The following MAP3K3 variants were observed in gnomAD, a reference collection of about 807,000 sequenced individuals.
MAP3K3 encodes mitogen-activated protein kinase kinase kinase 3, also known as MAP/ERK kinase kinase 3.
Under a neutral mutation model 80.9 loss-of-function variants are expected in MAP3K3, and 12 were observed. The observed-to-expected ratio is 0.15, with a 90% CI of 0.10 to 0.24. The LOEUF (loss-of-function observed/expected upper bound fraction) is 0.24. MAP3K3 is among the 10% of genes least tolerant of loss of function. The pLI is 1.00. For synonymous variants in MAP3K3, 272 were observed against 307.1 expected, an observed-to-expected ratio of 0.89 and a Z score of 1.19; for missense variants, 596 against 834.7, an observed-to-expected ratio of 0.71 and a Z score of 3.52.
chr17:63,681,712 C>G lies in MAP3K3; in HGVS notation c.503-54C>G, dbSNP rs980391629. 16 of 1,357,408 alleles carry G rather than the reference C, an allele frequency of 1.2e-5. No individual in the cohort carries two copies. The African/African-American group carries it at 2.2e-4, about 19-fold the overall frequency. 84.1% of individuals were successfully genotyped at this position (1,357,408 alleles called of 1,614,324 possible). ...AATAGTTGGCCCCATGCCTGCTCCT[C>G]TTGGGCCACACACCCTGGGCTCTGT... On this transcript the variant is annotated intron_variant, in intron 6 of 15. Coordinates refer to ENST00000361733, the MANE Select transcript of MAP3K3 (RefSeq NM_002401.5).
rs371824483 is a variant in MAP3K3, at chr17:63,689,506, G to T, written c.872-38G>T. 1.6e-5 allele frequency: 26 copies of T among 1,577,774 alleles called. No individual in the cohort carries two copies. The African/African-American group carries it at 3.4e-4, about 20-fold the overall frequency. ...TGTACGTTCCGCCTCGTAGCCTGGG[G>T]TGTGACTTGCTCTCCTCTGGCCCTT... is the stretch of plus-strand genomic sequence containing the variant. On this transcript the variant is annotated intron_variant, in intron 10 of 15. Coordinates refer to ENST00000361733, the MANE Select transcript of MAP3K3 (RefSeq NM_002401.5). The surrounding 1 kb of genome is among the most constrained non-coding windows in gnomAD (Gnocchi z 4.3).
chr17:63,673,386 G>C (rs2035149321), intron 6 of MAP3K3, among the ~76,000 whole-genome samples: 1 of 148,728 alleles, frequency 6.7e-6, no homozygotes, highest in Admixed American at 6.7e-5. Flanking sequence ...ACTAGTTCAT[G>C]CTAAACAAAA....
At chr17:63,658,783 G>T (rs2034824929) in intron 5 of MAP3K3, among the ~76,000 whole-genome samples, 1 of 149,542 alleles carries the variant, frequency 6.7e-6, no homozygotes, top group Non-Finnish European at 1.5e-5. Context: ...TGCCCAGGCT[G>T]GAATGCAATG....
At chr17:63,626,931 T>C (rs1239589088) in intron 1 of MAP3K3, among the ~76,000 whole-genome samples, 1 of 152,184 alleles carries the variant, frequency 6.6e-6, no homozygotes, top group African/African-American at 2.4e-5. Flanking sequence ...GTGTGTGGCA[T>C]AGTAAACAGA....
chr17:63,629,991 G>C (rs987274628), intron 1 of MAP3K3, among the ~76,000 whole-genome samples: 3 of 152,192 alleles, frequency 2.0e-5, no homozygotes, highest in African/African-American at 7.2e-5. Flanking sequence ...GTGCCTGTAT[G>C]TGTATTCACA....
At chr17:63,632,573 G>A in intron 1 of MAP3K3, 108 bp from the exon 2 acceptor site, 1 of 1,296,236 alleles carries the variant, frequency 7.7e-7, no homozygotes. Flanking sequence ...TACAGGGTCT[G>A]TCATTTTACC....
At chr17:63,667,191 T>C (rs1349998140) in intron 6 of MAP3K3, 131 bp downstream of exon 6, 16 of 1,003,182 alleles carry the variant, frequency 1.6e-5, no homozygotes, top group Non-Finnish European at 2.1e-5. Flanking sequence ...TAATCCTTTA[T>C]GCCTTTATTT....
intron 7 of MAP3K3, chr17:63,682,198 G>A (rs1463776928): frequency 2.1e-5 from 5 of 240,284 alleles, no homozygotes; most frequent in African/African-American, 2.2e-5. Context: ...GCACCACCAC[G>A]CCCAGCTCAT....
chr17:63,678,039 C>T (rs1412617231), intron 6 of MAP3K3, among the ~76,000 whole-genome samples: 1 of 152,182 alleles, frequency 6.6e-6, no homozygotes, highest in African/African-American at 2.4e-5. Flanking sequence ...GAGCAGCATG[C>T]CTGCCCTTTT....
In MAP3K3 at chr17:63,636,809, G is replaced by A. The variant is rs1447233365; in HGVS notation, c.126+4007G>A. 6 of 335,520 alleles carry A rather than the reference G, an allele frequency of 1.8e-5. No homozygotes were observed. The East Asian group carries it at 4.1e-4, about 23-fold the overall frequency. 20.8% of individuals were successfully genotyped at this position (335,520 alleles called of 1,614,324 possible). On this transcript the variant is annotated intron_variant, in intron 2 of 15. Coordinates refer to ENST00000361733, the MANE Select transcript of MAP3K3 (RefSeq NM_002401.5). The stretch of plus-strand genomic sequence containing the variant: ...CGGCTGTGGGAGAAGTGGCTGAGGT[G>A]GTATGTGGAGAAGAAGGCCAAGAAG...
intron 6 of MAP3K3, among the ~76,000 whole-genome samples, chr17:63,676,801 C>G (rs2035228683): frequency 6.6e-6 from 1 of 152,196 alleles, no homozygotes; most frequent in Admixed American, 6.5e-5. Context: ...TCAACATCGG[C>G]AAAGCTGGAG....
intron 6 of MAP3K3, among the ~76,000 whole-genome samples, chr17:63,678,493 G>A (rs1387070017): frequency 2.1e-4 from 32 of 152,232 alleles, no homozygotes; most frequent in Non-Finnish European, 4.4e-5. Flanking sequence ...TTCTATGCCT[G>A]TTTTCAGAGC....
rs1306078389 is a variant in MAP3K3 at position 63,667,047 on chromosome 17, G to T, written c.489G>T (p.Arg163Ser). 2 of 1,606,432 alleles carry T rather than the reference G, an allele frequency of 1.2e-6. No individual in the cohort carries two copies. The highest frequency in any genetic ancestry group is 1.7e-6 in the Non-Finnish European group (2 of 1,177,956). ...TIYQPPEPRS[R>S]HLSVSSQNPG... Reference sequence around the variant, plus strand: ...ACCAGCCCCCCGAGCCCAGAAGCAGGCACCTCTCTGTCAGTGAGTATTTCA... The same window carrying T: ...ACCAGCCCCCCGAGCCCAGAAGCAGTCACCTCTCTGTCAGTGAGTATTTCA... The change falls in exon 6 of 16, where the codon AGG becomes AGT. Residue 163 changes from arginine to serine, a missense_variant. Physicochemically the swap from Arg to Ser is moderately radical, Grantham distance 110. This residue lies in a region of MAP3K3 where 232 missense variants were observed against 245.8 expected (regional missense o/e 0.94). Transcript: ENST00000361733.
chr17:63,632,798 G>A lies in MAP3K3; in HGVS notation c.122G>A (p.Arg41Lys), dbSNP rs2034244665. Reference sequence around the variant, plus strand: ...AACAAAGACACAGGTCACTCAAATAGGCAGGTGTGTGTGACCCTGGCAGAG... The same window carrying A: ...AACAAAGACACAGGTCACTCAAATAAGCAGGTGTGTGTGACCCTGGCAGAG... The part of the protein sequence containing the change: ...MKNKDTGHSN[R>K]QSDVRIKFEH... Residue 41 changes from arginine to lysine, a missense_variant, in exon 2 of 16, where the codon AGG (arginine) becomes AAG (lysine). This residue lies in a region of MAP3K3 where 232 missense variants were observed against 245.8 expected (regional missense o/e 0.94). Transcript: ENST00000361733. 4.3e-6 allele frequency: 7 copies of A among 1,613,996 alleles called. No homozygotes were observed. Among genetic ancestry groups the A allele is most frequent in the Non-Finnish European group, 5.9e-6 (7 of 1,179,966 alleles).
At position 63,691,279 on chromosome 17, in the gene MAP3K3, T is replaced by C; in HGVS notation, c.1344+46T>C. The C allele has an allele frequency of 4.3e-6, 7 of 1,612,246 alleles. No homozygotes were observed. Among genetic ancestry groups the C allele is most frequent in the Non-Finnish European group, 5.9e-6 (7 of 1,179,122 alleles). ...TGTGAGACACACACAAAAGAGGGCC[T>C]GACCTGGGGGCTGGGGCCTGCAGGA... On this transcript the variant is annotated intron_variant, in intron 13 of 15. Coordinates refer to ENST00000361733, the MANE Select transcript of MAP3K3 (RefSeq NM_002401.5). This position sits in a 1 kb window ranked among gnomAD's most constrained non-coding sequence, Gnocchi z 4.8.
intron 5 of MAP3K3, among the ~76,000 whole-genome samples, chr17:63,661,728 A>C (rs2034894520): frequency 6.6e-6 from 1 of 152,244 alleles, no homozygotes; most frequent in Non-Finnish European, 1.5e-5. Flanking sequence ...AATTCTTTTC[A>C]GTCCTTGTAA....
At chr17:63,639,901 G>A (rs1035743752) in intron 2 of MAP3K3, among the ~76,000 whole-genome samples, 4 of 152,068 alleles carry the variant, frequency 2.6e-5, no homozygotes, top group African/African-American at 9.7e-5. Flanking sequence ...AATGTATAAA[G>A]ATATAATGCT....
chr17:63,644,731 C>T (rs922769318), intron 2 of MAP3K3, among the ~76,000 whole-genome samples: 3 of 152,114 alleles, frequency 2.0e-5, no homozygotes, highest in Admixed American at 1.3e-4. Flanking sequence ...TAGGCATCTA[C>T]CCTTCCTTTC....
At chr17:63,636,286 A>G (rs1029857915) in intron 2 of MAP3K3, among the ~76,000 whole-genome samples, 2 of 152,238 alleles carry the variant, frequency 1.3e-5, no homozygotes, top group Non-Finnish European at 2.9e-5. Context: ...GCAGTGAGCT[A>G]TTAACAATTT....
Sources: allele counts gnomAD v4.1 joint callset (sites outside exome capture counted in the v4.1 genomes callset), GRCh38; gene constraint gnomAD v4.1.1; regional missense constraint gnomAD v4.1.1; non-coding constraint Gnocchi (gnomAD v3.1); transcripts MANE v1.5; gene names NCBI Gene and HGNC (gene_info 2026-07-23, HGNC 2026-07-21).